Variants in CSMD1 observed in about 807,000 individuals in gnomAD.
The protein encoded by CSMD1 is CUB and sushi domain-containing protein 1.
CSMD1 carries 213 observed loss-of-function variants against 417.5 expected under a neutral mutation model. The observed-to-expected ratio is 0.51, with a 90% confidence interval of 0.46 to 0.57. The LOEUF (loss-of-function observed/expected upper bound fraction) is 0.57, where lower values mean the gene tolerates loss of function less well. CSMD1 is among the 20% of genes least tolerant of loss of function. The pLI is 0.00. For missense variants in CSMD1, 6,923 were observed against 4,529.7 expected, an observed-to-expected ratio of 1.53 and a Z score of -15.17; for synonymous variants, 2,862 against 1,736.8, an observed-to-expected ratio of 1.65 and a Z score of -16.11.
At chr8:3,348,756 G>C (rs753230198) in intron 21 of CSMD1, among the ~76,000 whole-genome samples, 4 of 152,092 alleles carry the variant, frequency 2.6e-5, no homozygotes, top group Non-Finnish European at 5.9e-5. Context: ...TCCCAATGAA[G>C]GAAGAGAAAA....
intron 6 of CSMD1, among the ~76,000 whole-genome samples, chr8:3,746,874 C>T (rs1483007218): frequency 6.6e-6 from 1 of 152,160 alleles, no homozygotes; most frequent in African/African-American, 2.4e-5. Flanking sequence ...AAATTGTCAT[C>T]ACATGGCCAG....
intron 5 of CSMD1, among the ~76,000 whole-genome samples, chr8:3,851,601 T>C (rs1196437003): frequency 1.3e-5 from 2 of 152,230 alleles, no homozygotes; most frequent in Admixed American, 6.5e-5. Flanking sequence ...GGGTTGTCTC[T>C]ACTTTCACTG....
At chr8:4,937,737 A>G (rs75480782) in intron 1 of CSMD1, among the ~76,000 whole-genome samples, 3,982 of 152,238 alleles carry the variant, frequency 0.026, 53 homozygotes, top group Middle Eastern at 0.085. Flanking sequence ...GCAGAGTAAG[A>G]TAAGTGTGAT....
At chr8:3,563,423 T>TAAAC (rs1198259914) in intron 10 of CSMD1, among the ~76,000 whole-genome samples, 3 of 49,650 alleles carry the variant, frequency 6.0e-5, no homozygotes, top group African/African-American at 8.4e-5. Context: ...ATGCATAAAA[T>TAAAC]AGGTAACGTA....
intron 55 of CSMD1, among the ~76,000 whole-genome samples, chr8:2,976,253 T>G (rs1804915075): frequency 6.6e-6 from 1 of 152,070 alleles, no homozygotes. Context: ...ACTAACCCAT[T>G]CTCAAAATAC....
intron 39 of CSMD1, among the ~76,000 whole-genome samples, chr8:3,152,635 T>C (rs1217002928): frequency 1.3e-5 from 2 of 152,180 alleles, no homozygotes; most frequent in East Asian, 1.9e-4. Context: ...ATTTCAAACA[T>C]TGTATAAGTT....
chr8:4,700,713 A>T (rs1334060598), intron 1 of CSMD1, among the ~76,000 whole-genome samples: 5 of 152,230 alleles, frequency 3.3e-5, no homozygotes, highest in Non-Finnish European at 5.9e-5. Context: ...AAACTCACAA[A>T]ATTATATCCA....
Position 4,754,803 on chromosome 8 carries a change from C to T in CSMD1, c.86-117245G>A, listed in dbSNP as rs576466933. Among the ~76,000 whole-genome samples, 622 of 151,404 alleles carry T rather than the reference C, an allele frequency of 4.1e-3. 7 individuals are homozygous for T. Among genetic ancestry groups the T allele is most frequent in the Middle Eastern group, 0.017 (5 of 290 alleles). ...AGCAGAGGTTGCAGTGAGCCGAGATCGCACCACTGCACTCCAGCCTGGGTG... is the reference window on the plus strand; with the variant it reads ...AGCAGAGGTTGCAGTGAGCCGAGATTGCACCACTGCACTCCAGCCTGGGTG... On this transcript the variant is annotated intron_variant, in intron 1 of 69. Transcript: ENST00000635120.
At chr8:3,818,627 C>T (rs1383033460) in intron 5 of CSMD1, among the ~76,000 whole-genome samples, 1 of 152,080 alleles carries the variant, frequency 6.6e-6, no homozygotes, top group East Asian at 1.9e-4. Context: ...TCCCATGGGT[C>T]CCCACAGCAA....
At chr8:4,776,890 A>G (rs559507114) in intron 1 of CSMD1, among the ~76,000 whole-genome samples, 8 of 152,330 alleles carry the variant, frequency 5.3e-5, no homozygotes, top group Admixed American at 3.3e-4. Context: ...TTCATCTTTA[A>G]AAGGAGATCA....
At chr8:3,428,768 G>A (rs767379278) in intron 12 of CSMD1, among the ~76,000 whole-genome samples, 4 of 152,158 alleles carry the variant, frequency 2.6e-5, no homozygotes, top group Non-Finnish European at 4.4e-5. Context: ...GTTCACTGCA[G>A]AATCATTCAC....
intron 41 of CSMD1, among the ~76,000 whole-genome samples, chr8:3,119,217 G>C (rs537250341): frequency 6.6e-6 from 1 of 151,456 alleles, no homozygotes; most frequent in Non-Finnish European, 1.5e-5. Flanking sequence ...AATAATAAAA[G>C]GAGCCTACAA....
chr8:4,647,312 G>C (rs1803580045), intron 1 of CSMD1, among the ~76,000 whole-genome samples: 1 of 151,420 alleles, frequency 6.6e-6, no homozygotes, highest in Non-Finnish European at 1.5e-5. Flanking sequence ...TGTTACATAG[G>C]TATACATGTG....
intron 1 of CSMD1, among the ~76,000 whole-genome samples, chr8:4,884,771 G>A (rs1004826676): frequency 3.9e-5 from 6 of 151,994 alleles, no homozygotes; most frequent in African/African-American, 1.5e-4. Flanking sequence ...TATTGCGGTA[G>A]CTTTGGAATA....
chr8:3,878,777 T>G (rs1015797812), intron 5 of CSMD1, among the ~76,000 whole-genome samples: 1 of 152,272 alleles, frequency 6.6e-6, no homozygotes, highest in Non-Finnish European at 1.5e-5. Context: ...TTCCTGAGTT[T>G]GTGCAAACTT....
At chr8:4,890,738 G>A (rs1804063201) in intron 1 of CSMD1, among the ~76,000 whole-genome samples, 1 of 152,030 alleles carries the variant, frequency 6.6e-6, no homozygotes, top group Non-Finnish European at 1.5e-5. Context: ...TAATTGCGGT[G>A]TTTGCAATTG....
chr8:4,469,297 A>T (rs952738948), intron 2 of CSMD1, among the ~76,000 whole-genome samples: 2 of 152,148 alleles, frequency 1.3e-5, no homozygotes, highest in African/African-American at 4.8e-5. Context: ...AGTCAGTGGG[A>T]CTTTCTCATT....
chr8:4,776,758 T>G (rs1374034153), intron 1 of CSMD1, among the ~76,000 whole-genome samples: 1 of 151,822 alleles, frequency 6.6e-6, no homozygotes, highest in East Asian at 1.9e-4. Flanking sequence ...CAGTTATATT[T>G]TAGAAAAAGT....
chr8:4,576,163 G>A lies in CSMD1; in HGVS notation c.302+61179C>T, dbSNP rs556220328. 5.3e-5 allele frequency among the ~76,000 whole-genome samples: 8 copies of A among 152,244 alleles called. No homozygotes were observed. The South Asian group carries it at 8.3e-4, about 16-fold the overall frequency. On this transcript the variant is annotated intron_variant, in intron 2 of 69. Coordinates refer to ENST00000635120, the MANE Select transcript of CSMD1 (RefSeq NM_033225.6). ...ATTGCAGAAAGTATGCAGGACTGTC[G>A]AGTTATGTGCACTAAGCTGTATCAG...
Sources: allele counts gnomAD v4.1 joint callset (sites outside exome capture counted in the v4.1 genomes callset), GRCh38; gene constraint gnomAD v4.1.1; transcripts MANE v1.5; gene names NCBI Gene and HGNC (gene_info 2026-07-23, HGNC 2026-07-21).